Variants in RRAS2 observed in about 807,000 individuals in gnomAD.
The protein encoded by RRAS2 is ras-related protein R-Ras2.
In RRAS2, 7 loss-of-function variants were observed where a neutral mutation model predicts 27.6. The ratio of observed to expected loss-of-function variants is 0.25; its 90% confidence interval spans 0.14 to 0.48. The LOEUF is 0.48. Ranked by LOEUF, RRAS2 falls within the 20% of genes least tolerant of loss-of-function variation. The probability of loss-of-function intolerance (pLI) is 0.99; values close to 1 mark genes in which losing one functional copy is unlikely to be tolerated. For synonymous variants in RRAS2, 86 were observed against 90.9 expected (o/e 0.95, Z 0.31); for missense variants, 178 against 256.2 (o/e 0.69, Z 2.08).
rs115468283 is a variant in RRAS2 at position 14,310,699 on chromosome 11, G to A, written c.109-14844C>T. On this transcript the variant is annotated intron_variant, in intron 1 of 5. Coordinates refer to ENST00000256196, the MANE Select transcript of RRAS2 (RefSeq NM_012250.6). ...ACCATATAAGTTACTGATAAACTGGGACTCAAAGAGGATGCTAATAATAAT... is the reference window on the plus strand; with the variant it reads ...ACCATATAAGTTACTGATAAACTGGAACTCAAAGAGGATGCTAATAATAAT... 3.1e-3 allele frequency among the ~76,000 whole-genome samples: 468 copies of A among 152,260 alleles called. 3 individuals are homozygous for A. Among genetic ancestry groups the A allele is most frequent in the African/African-American group, 0.011 (443 of 41,530 alleles).
intron 1 of RRAS2, among the ~76,000 whole-genome samples, chr11:14,340,670 A>G (rs1313505672): frequency 1.3e-5 from 2 of 152,202 alleles, no homozygotes; most frequent in Non-Finnish European, 2.9e-5. Context: ...CCCTTAGTTC[A>G]GTAAAAATCT....
At chr11:14,351,718 G>T (rs1287832574) in intron 1 of RRAS2, among the ~76,000 whole-genome samples, 2 of 145,816 alleles carry the variant, frequency 1.4e-5, no homozygotes, top group Non-Finnish European at 3.0e-5. Flanking sequence ...CAACAAAAGT[G>T]AAACTCCATC....
chr11:14,293,138 T>TGTATATATATATATAC, intron 4 of RRAS2, among the ~76,000 whole-genome samples: 2 of 122,264 alleles, frequency 1.6e-5, no homozygotes, highest in African/African-American at 7.2e-5. Context: ...TATATATATA[T>TGTATATATATATATAC]ATATATATAT....
In RRAS2 at chr11:14,279,653, C is replaced by T. The variant is rs193159262; in HGVS notation, c.528-229G>A. ...TTTAATGGATGAGTCCTGAATCAGA[C>T]GAGATACTAGACTCAGTAATCTCTA... On this transcript the variant is annotated intron_variant, in intron 5 of 5. Coordinates refer to ENST00000256196, the MANE Select transcript of RRAS2 (RefSeq NM_012250.6). 5.8e-4 allele frequency among the ~76,000 whole-genome samples: 88 copies of T among 152,274 alleles called. 1 individual carries two copies. The highest frequency in any genetic ancestry group is 3.3e-3 in the Admixed American group (51 of 15,292).
At chr11:14,332,420 G>A (rs1368388327) in intron 1 of RRAS2, among the ~76,000 whole-genome samples, 1 of 152,174 alleles carries the variant, frequency 6.6e-6, no homozygotes, top group Non-Finnish European at 1.5e-5. Context: ...AGGCCCACTT[G>A]AGCCTGGGGA....
chr11:14,294,455 T>G lies in RRAS2; in HGVS notation c.408+16A>C. 6.4e-5 allele frequency: 96 copies of G among 1,489,416 alleles called. No individual in the cohort carries two copies. The highest frequency in any genetic ancestry group is 8.3e-5 in the Non-Finnish European group (91 of 1,090,348). 92.3% of individuals were successfully genotyped at this position (1,489,416 alleles called of 1,614,324 possible). A position where few individuals can be genotyped will look rare whatever the true frequency, so the allele number is the denominator to read the frequency against. On this transcript the variant is annotated intron_variant, in intron 4 of 5. Coordinates refer to ENST00000256196, the MANE Select transcript of RRAS2 (RefSeq NM_012250.6). ...TTATAAACAATTGGTTTCCCAACAG[T>G]GAAATTCCTTCTCACCTGTCTTTGA...
intron 1 of RRAS2, among the ~76,000 whole-genome samples, chr11:14,305,802 T>C (rs1847815744): frequency 1.3e-5 from 2 of 152,172 alleles, no homozygotes; most frequent in South Asian, 2.1e-4. Context: ...CCCAATACTT[T>C]GGAAGGCTAA....
intron 4 of RRAS2, among the ~76,000 whole-genome samples, chr11:14,287,523 T>C (rs1275903756): frequency 6.6e-6 from 1 of 152,140 alleles, no homozygotes; most frequent in Non-Finnish European, 1.5e-5. Context: ...CTACCCATCA[T>C]GCATAATGTA....
intron 5 of RRAS2, among the ~76,000 whole-genome samples, chr11:14,280,726 CAAAAAAAAAAAAAAAAAAAA>C (rs58781581): frequency 1.0e-3 from 50 of 48,332 alleles, no homozygotes; most frequent in Admixed American, 5.2e-3. Context: ...ACTCTGTTTC[CAAAAAAAAAAAAAAAAAAAA>C]AAAAAAAAAA....
Position 14,279,371 on chromosome 11 carries a change from T to C in RRAS2, c.581A>G (p.Lys194Arg), listed in dbSNP as rs1233671138. 3 of 1,613,282 alleles carry C rather than the reference T, an allele frequency of 1.9e-6. No homozygotes were observed. In the Admixed American group the frequency reaches 5.0e-5, roughly 27 times the overall value. The change falls in exon 6 of 6, where the codon AAA (lysine) becomes AGA (arginine). Residue 194 changes from lysine (K) to arginine (R), a missense_variant. By Grantham distance (26) the Lys-to-Arg change is conservative (BLOSUM62 2). Coordinates refer to ENST00000256196, the MANE Select transcript of RRAS2 (RefSeq NM_012250.6). ...GACACAATGGCAGCCTTTCTTGTCT[T>C]TTTCTTTCCGTGTTGGTTCTGGTGA... ...PPSPEPTRKEKDKKGCHCVIF is the reference protein window; with the variant it reads ...PPSPEPTRKERDKKGCHCVIF
chr11:14,318,277 T>TCC (rs1554949792), intron 1 of RRAS2, among the ~76,000 whole-genome samples: 1 of 152,128 alleles, frequency 6.6e-6, no homozygotes, highest in African/African-American at 2.4e-5. Flanking sequence ...AGCGGGTGGA[T>TCC]CACCTGAAGT....
intron 1 of RRAS2, among the ~76,000 whole-genome samples, chr11:14,345,772 T>C (rs1554953978): frequency 6.6e-6 from 1 of 152,190 alleles, no homozygotes; most frequent in Non-Finnish European, 1.5e-5. Flanking sequence ...ATTTTGTATT[T>C]GTTGAAATTC....
chr11:14,363,126 T>G (rs961710824), upstream of RRAS2, among the ~76,000 whole-genome samples: 2 of 152,224 alleles, frequency 1.3e-5, no homozygotes, highest in Admixed American at 6.5e-5. Flanking sequence ...TGGACTGGCG[T>G]TATCTGGCAA....
rs182758992 is a variant in RRAS2 at position 14,350,672 on chromosome 11, G to A, written c.108+8091C>T. Among the ~76,000 whole-genome samples, 766 of 151,592 alleles carry A rather than the reference G, an allele frequency of 5.1e-3. 25 individuals are homozygous for A. Among genetic ancestry groups the A allele is most frequent in the Non-Finnish European group, 8.5e-4 (58 of 67,908 alleles). ...CTGTCTTGGGCCACACATAAAATACGCTAAACTAACGATAGCTGACGAGGT... is the reference window on the plus strand; with the variant it reads ...CTGTCTTGGGCCACACATAAAATACACTAAACTAACGATAGCTGACGAGGT... On this transcript the variant is annotated intron_variant, in intron 1 of 5. Coordinates refer to ENST00000256196, the MANE Select transcript of RRAS2 (RefSeq NM_012250.6).
chr11:14,323,349 T>C (rs1554950559), intron 1 of RRAS2, among the ~76,000 whole-genome samples: 1 of 151,564 alleles, frequency 6.6e-6, no homozygotes, highest in Non-Finnish European at 1.5e-5. Flanking sequence ...TCCCAACAGC[T>C]TGGAAGGCTA....
intron 1 of RRAS2, among the ~76,000 whole-genome samples, chr11:14,305,761 T>A (rs905570471): frequency 6.6e-6 from 1 of 152,178 alleles, no homozygotes; most frequent in African/African-American, 2.4e-5. Flanking sequence ...AAACTCAGTC[T>A]TGGCCGTGCG....
chr11:14,363,453 A>C (rs550194637), upstream of RRAS2, among the ~76,000 whole-genome samples: 89 of 152,328 alleles, frequency 5.8e-4, no homozygotes, highest in African/African-American at 2.1e-3. Context: ...ACGGACTTAG[A>C]ATCTGAATTT....
chr11:14,342,365 C>T (rs1848730138), intron 1 of RRAS2, among the ~76,000 whole-genome samples: 1 of 152,210 alleles, frequency 6.6e-6, no homozygotes, highest in African/African-American at 2.4e-5. Flanking sequence ...CTTCCCAAGC[C>T]TGCATTTCCT....
chr11:14,308,212 G>A, intron 1 of RRAS2: 1 of 416,080 alleles, frequency 2.4e-6, no homozygotes, highest in South Asian at 1.8e-5. Flanking sequence ...TTTACCTGTG[G>A]GTTTAACTGG....
Sources: allele counts gnomAD v4.1 joint callset (sites outside exome capture counted in the v4.1 genomes callset), GRCh38; gene constraint gnomAD v4.1.1; transcripts MANE v1.5; gene names NCBI Gene and HGNC (gene_info 2026-07-23, HGNC 2026-07-21).